ANKLE2: variants seen among roughly 807,000 people sequenced by gnomAD.
The protein encoded by ANKLE2 is ankyrin repeat and LEM domain containing 2, also known as ankyrin repeat and LEM domain-containing protein 2.
ANKLE2 carries 55 observed loss-of-function variants against 84.2 expected under a neutral mutation model. The observed-to-expected ratio is 0.65, with a 90% CI of 0.53 to 0.82. ANKLE2 has a LOEUF of 0.82. Among genes scored for constraint, ANKLE2 ranks in the 40% least tolerant of loss-of-function variants. ANKLE2 has a pLI of 0.00. For synonymous variants in ANKLE2, 551 were observed against 486.1 expected (o/e 1.13, Z -1.76); for missense variants, 1,238 against 1,201.9 (o/e 1.03, Z -0.44).
intron 10 of ANKLE2, 110 bp downstream of exon 10, chr12:132,734,275 A>G: frequency 8.5e-7 from 1 of 1,173,058 alleles, no homozygotes; most frequent in African/African-American, 1.6e-5. Flanking sequence ...AAAGTACCAG[A>G]CCTTTACGTT....
rs190813829 is a variant in ANKLE2, at chr12:132,759,247, G to A, written c.181+2371C>T. 7 of 130,840 alleles carry A rather than the reference G, an allele frequency of 5.4e-5. 1 individual carries two copies. The highest frequency in any genetic ancestry group is 2.5e-4 in the South Asian group (1 of 3,942). 8.1% of individuals were successfully genotyped at this position (130,840 alleles called of 1,614,324 possible). A position where few individuals can be genotyped will look rare whatever the true frequency, so the allele number is the denominator to read the frequency against. On this transcript the variant is annotated intron_variant, in intron 1 of 12. Transcript: ENST00000357997. ...GGGCACCCACGTGGCAGAGAGGATCGCTGCGGAGTGGCACCCCGGGGTATC... is the reference window on the plus strand; with the variant it reads ...GGGCACCCACGTGGCAGAGAGGATCACTGCGGAGTGGCACCCCGGGGTATC...
chr12:132,743,630 T>C lies in ANKLE2; in HGVS notation c.1231-354A>G, dbSNP rs2044176378. On this transcript the variant is annotated intron_variant, in intron 5 of 12. Coordinates refer to ENST00000357997, the MANE Select transcript of ANKLE2 (RefSeq NM_015114.3). This position sits in a 1 kb window ranked among gnomAD's most constrained non-coding sequence, Gnocchi z 4.1. ...TCCCAAAGTGCTGGGATTACAGGTG[T>C]GAGTCACCGAGCCTGGCTTATACTT... Among the ~76,000 whole-genome samples, 1 of 150,416 alleles carries C rather than the reference T, an allele frequency of 6.6e-6. No homozygotes were observed. Among genetic ancestry groups the C allele is most frequent in the Admixed American group, 6.7e-5 (1 of 15,036 alleles).
rs868254349 is a variant in ANKLE2 at position 132,732,802 on chromosome 12, G to A, written c.1891+1583C>T. 2.4e-4 allele frequency among the ~76,000 whole-genome samples: 32 copies of A among 133,878 alleles called. 2 individuals carry two copies. Among genetic ancestry groups the A allele is most frequent in the Admixed American group, 2.2e-3 (29 of 13,478 alleles). 87.8% of individuals were successfully genotyped at this position (133,878 alleles called of 152,430 possible). On this transcript the variant is annotated intron_variant, in intron 10 of 12. Transcript: ENST00000357997. ...ATATGCACCGTGTGAAGCTCTCTGC[G>A]TCCTGGTGTCTGACGTGCACCATGT... is the stretch of plus-strand genomic sequence containing the variant.
intron 9 of ANKLE2, 40 bp from the exon 10 acceptor site, chr12:132,734,615 G>C: frequency 6.4e-7 from 1 of 1,559,152 alleles, no homozygotes. Context: ...TGTGAAACCA[G>C]AAAAAATACT....
intron 10 of ANKLE2, among the ~76,000 whole-genome samples, chr12:132,732,385 C>CATCCTA: frequency 3.1e-5 from 4 of 128,690 alleles, no homozygotes; most frequent in African/African-American, 1.3e-4. Context: ...AAGCGCTCTG[C>CATCCTA]GTGCTGGTGT....
chr12:132,737,141 T>C, intron 7 of ANKLE2, 76 bp from the exon 8 acceptor site: 1 of 1,484,762 alleles, frequency 6.7e-7, no homozygotes, highest in Middle Eastern at 2.5e-4. Flanking sequence ...AGGACGGGGA[T>C]CACGCGAGCC....
Position 132,748,210 on chromosome 12 carries a change from GTCC to G in ANKLE2, c.966_968del (p.Glu322del). On this transcript the variant is annotated inframe_deletion, in exon 4 of 13. Coordinates refer to ENST00000357997, the MANE Select transcript of ANKLE2 (RefSeq NM_015114.3). ...TGCTCCAGATAAGGTCAGAAAAGGT[GTCC>G]TCCTCTCCCTTCTCCACAGCTTTCC... The G allele has an allele frequency of 6.2e-7, 1 of 1,614,132 alleles. No homozygotes were observed. Among genetic ancestry groups the G allele is most frequent in the Non-Finnish European group, 8.5e-7 (1 of 1,180,014 alleles).
At chr12:132,734,706 CT>C in intron 9 of ANKLE2, 131 bp from the exon 10 acceptor site, 1 of 925,290 alleles carries the variant, frequency 1.1e-6, no homozygotes, top group Non-Finnish European at 1.6e-6. Flanking sequence ...TTCCTTTATC[CT>C]TAACTGGCAG....
chr12:132,749,575 T>G (rs972930379), intron 3 of ANKLE2, among the ~76,000 whole-genome samples: 1 of 152,244 alleles, frequency 6.6e-6, no homozygotes, highest in African/African-American at 2.4e-5. Context: ...TAAGGCTGAC[T>G]GAGGGCAGGC....
chr12:132,734,913 T>G (rs2043977393), intron 9 of ANKLE2: 1 of 313,652 alleles, frequency 3.2e-6, no homozygotes, highest in African/African-American at 2.2e-5. Context: ...AACAGCCCTG[T>G]GAACTTGCCC....
chr12:132,758,007 G>GC (rs1177345861), intron 1 of ANKLE2: 2 of 150,816 alleles, frequency 1.3e-5, no homozygotes, highest in Non-Finnish European at 2.9e-5. Flanking sequence ...AAAAAGAACA[G>GC]CCACAGATAT....
At chr12:132,759,582 A>C (rs527453710) in intron 1 of ANKLE2, 1 of 152,262 alleles carries the variant, frequency 6.6e-6, no homozygotes, top group Admixed American at 6.5e-5. Context: ...TATATTATAC[A>C]TCATATATAA....
At position 132,730,331 on chromosome 12, in the gene ANKLE2, CGCCCCATCCATG is replaced by C. The variant is rs1566011412; in HGVS notation, c.1892-73_1892-62del. The stretch of plus-strand genomic sequence containing the variant: ...ACGACAGGAAGCCACGGAGCTGCTC[CGCCCCATCCATG>C]ACCAACTGCCGTGACCCCAGCAACA... On this transcript the variant is annotated intron_variant, in intron 10 of 12. Coordinates refer to ENST00000357997, the MANE Select transcript of ANKLE2 (RefSeq NM_015114.3). 2.5e-4 allele frequency: 336 copies of C among 1,356,714 alleles called. No individual in the cohort carries two copies. The African/African-American group carries it at 4.0e-3, about 16-fold the overall frequency. 84.0% of individuals were successfully genotyped at this position (1,356,714 alleles called of 1,614,324 possible).
At chr12:132,760,513 AC>A (rs2044604061) in intron 1 of ANKLE2, 1 of 152,256 alleles carries the variant, frequency 6.6e-6, no homozygotes, top group Non-Finnish European at 1.5e-5. Flanking sequence ...TGCGCTTGGG[AC>A]CGACGGGGCG....
intron 2 of ANKLE2, among the ~76,000 whole-genome samples, chr12:132,753,349 A>G (rs2044400921): frequency 6.6e-6 from 1 of 151,912 alleles, no homozygotes; most frequent in Admixed American, 6.6e-5. Context: ...AAAACAACCA[A>G]TTAGCTAGGC....
chr12:132,744,442 A>G (rs2044192024), intron 5 of ANKLE2, among the ~76,000 whole-genome samples: 1 of 151,954 alleles, frequency 6.6e-6, no homozygotes, highest in African/African-American at 2.4e-5. Flanking sequence ...AAAACTCATC[A>G]TGGACCCTGC....
At chr12:132,747,016 C>T (rs1309631134) in intron 5 of ANKLE2, among the ~76,000 whole-genome samples, 1 of 152,236 alleles carries the variant, frequency 6.6e-6, no homozygotes, top group African/African-American at 2.4e-5. Flanking sequence ...TGCCCGCTTC[C>T]CAGTGCTGCC....
intron 1 of ANKLE2, chr12:132,761,393 C>T: frequency 2.8e-6 from 1 of 350,900 alleles, no homozygotes; most frequent in Non-Finnish European, 5.0e-6. Context: ...AAGCTCTCAC[C>T]CCCGAACCCG....
chr12:132,754,222 A>G (rs969857666), intron 2 of ANKLE2, among the ~76,000 whole-genome samples: 2 of 152,252 alleles, frequency 1.3e-5, no homozygotes, highest in African/African-American at 4.8e-5. Flanking sequence ...GGCCTGGGCA[A>G]CAGAGTGAGA....
Sources: gnomAD v4.1 joint callset for allele counts (sites outside exome capture counted in the v4.1 genomes callset) on GRCh38, gnomAD v4.1.1 for gene constraint, Gnocchi (gnomAD v3.1) non-coding constraint, MANE v1.5 for transcripts, NCBI Gene and HGNC (gene_info 2026-07-23, HGNC 2026-07-21) for gene names.